The following UGT1A10 variants were observed in gnomAD, a reference collection of about 807,000 sequenced individuals.
UGT1A10 encodes the protein UDP glucuronosyltransferase family 1 member A10, also known as UDP-glucuronosyltransferase 1A10.
A neutral mutation model predicts 45.8 loss-of-function variants in UGT1A10; 49 were observed. The observed-to-expected ratio is 1.07, with a 90% CI of 0.85 to 1.36. UGT1A10 has a LOEUF of 1.36. Ranked by LOEUF, UGT1A10 falls within the 40% of genes most tolerant of loss-of-function variation. The pLI, the probability that UGT1A10 is intolerant of heterozygous loss-of-function variation, is 0.00. For synonymous variants in UGT1A10, 284 were observed against 249.7 expected (o/e 1.14, Z -1.29); for missense variants, 745 against 668.6 (o/e 1.11, Z -1.26).
At chr2:233,749,405 TG>T (rs1425183484) in intron 1 of UGT1A10, among the ~76,000 whole-genome samples, 1 of 151,948 alleles carries the variant, frequency 6.6e-6, no homozygotes, top group African/African-American at 2.4e-5. Flanking sequence ...TATTCTCTAG[TG>T]TTAACTACAT....
intron 1 of UGT1A10, among the ~76,000 whole-genome samples, chr2:233,647,590 TATTA>T (rs2073637480): frequency 6.6e-6 from 1 of 152,244 alleles, no homozygotes; most frequent in African/African-American, 2.4e-5. Context: ...TCATTTGTGT[TATTA>T]ATTTCTTCTT....
At chr2:233,675,975 T>C (rs1377553701) in intron 1 of UGT1A10, among the ~76,000 whole-genome samples, 1 of 152,162 alleles carries the variant, frequency 6.6e-6, no homozygotes, top group Non-Finnish European at 1.5e-5. Flanking sequence ...ACACAACATC[T>C]TTCCATACAG....
chr2:233,673,039 T>C (rs971993877), intron 1 of UGT1A10, among the ~76,000 whole-genome samples: 31 of 152,336 alleles, frequency 2.0e-4, no homozygotes, highest in African/African-American at 7.5e-4. Context: ...AAGTACCATG[T>C]TTAGAAAAGT....
intron 1 of UGT1A10, chr2:233,672,849 T>C (rs1300994812): frequency 1.3e-6 from 2 of 1,548,914 alleles, no homozygotes; most frequent in Admixed American, 4.1e-5. Context: ...TAAAAAAGGA[T>C]TCTTTACTGA....
chr2:233,737,696 C>T (rs2078911570), intron 1 of UGT1A10, among the ~76,000 whole-genome samples: 1 of 152,160 alleles, frequency 6.6e-6, no homozygotes, highest in African/African-American at 2.4e-5. Context: ...GGTGCTGAAG[C>T]TTCCGTTCTC....
At chr2:233,651,803 TTGTG>T (rs888901475) in intron 1 of UGT1A10, among the ~76,000 whole-genome samples, 1 of 152,096 alleles carries the variant, frequency 6.6e-6, no homozygotes, top group African/African-American at 2.4e-5. Flanking sequence ...CCACGCGTGT[TTGTG>T]TGTGTGCATG....
chr2:233,746,472 A>G (rs1693402163), intron 1 of UGT1A10, among the ~76,000 whole-genome samples: 1 of 151,654 alleles, frequency 6.6e-6, no homozygotes, highest in Admixed American at 6.6e-5. Flanking sequence ...GGTTCCAGAA[A>G]CACTTTCCAT....
At chr2:233,757,269 G>C (rs1302149472) in intron 1 of UGT1A10, among the ~76,000 whole-genome samples, 1 of 127,616 alleles carries the variant, frequency 7.8e-6, no homozygotes, top group African/African-American at 2.9e-5. Context: ...GGCAGCCGAT[G>C]CAATGATTCA....
chr2:233,709,020 G>A (rs2076052860), intron 1 of UGT1A10, among the ~76,000 whole-genome samples: 2 of 152,236 alleles, frequency 1.3e-5, no homozygotes, highest in South Asian at 4.1e-4. Flanking sequence ...TACCCAAGCA[G>A]CAGGGGCTTC....
At chr2:233,743,874 A>T in intron 1 of UGT1A10, 1 of 1,367,118 alleles carries the variant, frequency 7.3e-7, no homozygotes, top group Non-Finnish European at 9.8e-7. Context: ...GCCTCGGATG[A>T]GGCCTGCCGG....
intron 1 of UGT1A10, among the ~76,000 whole-genome samples, chr2:233,735,706 TG>T (rs200320435): frequency 0.013 from 1,981 of 152,300 alleles, 51 homozygotes; most frequent in African/African-American, 0.046. Context: ...GCAGGCCTGG[TG>T]GTGACAAAAT....
At chr2:233,689,487 C>A (rs770770371) in intron 1 of UGT1A10, among the ~76,000 whole-genome samples, 2 of 152,142 alleles carry the variant, frequency 1.3e-5, no homozygotes, top group Non-Finnish European at 2.9e-5. Flanking sequence ...GAAGAAATCG[C>A]AAATCAATAC....
chr2:233,660,019 T>A (rs1290420852), intron 1 of UGT1A10, among the ~76,000 whole-genome samples: 1 of 152,222 alleles, frequency 6.6e-6, no homozygotes, highest in Non-Finnish European at 1.5e-5. Context: ...TCAAACTCTT[T>A]ATGCCCACCT....
At chr2:233,664,142 C>G (rs2074030284) in intron 1 of UGT1A10, among the ~76,000 whole-genome samples, 1 of 152,130 alleles carries the variant, frequency 6.6e-6, no homozygotes, top group South Asian at 2.1e-4. Flanking sequence ...GCTCAAGTTC[C>G]AAATAACTTC....
chr2:233,749,891 C>A (rs769638729), intron 1 of UGT1A10, among the ~76,000 whole-genome samples: 71 of 152,066 alleles, frequency 4.7e-4, no homozygotes, highest in Admixed American at 1.4e-3. Context: ...CTGAGGCTCC[C>A]CCCTCCAGCC....
At position 233,735,860 on chromosome 2, in the gene UGT1A10, G is replaced by A. The variant is rs189938280; in HGVS notation, c.856-31174G>A. ...GCCCCCACTCTCTTCTGTCTTGTAG[G>A]GTTTCTGCAGAGAGATCTGCTGTTA... On this transcript the variant is annotated intron_variant, in intron 1 of 4. Coordinates refer to ENST00000344644, the MANE Select transcript of UGT1A10 (RefSeq NM_019075.4). Among the ~76,000 whole-genome samples the A allele has an allele frequency of 7.9e-5, 12 of 151,742 alleles. No individual in the cohort carries two copies. The East Asian group carries it at 1.9e-3, about 24-fold the overall frequency.
intron 1 of UGT1A10, among the ~76,000 whole-genome samples, chr2:233,757,560 A>ATT (rs904896556): frequency 8.1e-6 from 1 of 123,146 alleles, no homozygotes; most frequent in African/African-American, 3.4e-5. Flanking sequence ...ATATATATAT[A>ATT]TGTATATATG....
intron 1 of UGT1A10, among the ~76,000 whole-genome samples, chr2:233,644,296 G>C (rs986064544): frequency 6.6e-6 from 1 of 152,278 alleles, no homozygotes; most frequent in Middle Eastern, 3.4e-3. Flanking sequence ...TGCTGGGCAC[G>C]GTGGCTCATG....
At chr2:233,669,007 A>G (rs1287314930) in intron 1 of UGT1A10, among the ~76,000 whole-genome samples, 1 of 152,208 alleles carries the variant, frequency 6.6e-6, no homozygotes, top group Admixed American at 6.5e-5. Flanking sequence ...GATTATGGTA[A>G]CACAGGGGTT....
Sources: gnomAD v4.1 joint callset for allele counts (sites outside exome capture counted in the v4.1 genomes callset) on GRCh38, gnomAD v4.1.1 for gene constraint, MANE v1.5 for transcripts, NCBI Gene and HGNC (gene_info 2026-07-23, HGNC 2026-07-21) for gene names.